RMST: variants seen among roughly 807,000 people sequenced by gnomAD.
RMST encodes the protein long intergenic non-protein coding RNA 54.
At chr12:97,556,819 C>A (rs1015651095) in intron 11 of RMST, among the ~76,000 whole-genome samples, 1 of 152,084 alleles carries the variant, frequency 6.6e-6, no homozygotes, top group African/African-American at 2.4e-5. Flanking sequence ...CAAGTTTGAT[C>A]GTCATAAGAT....
At chr12:97,554,575 G>A (rs1883558957) in intron 11 of RMST, among the ~76,000 whole-genome samples, 1 of 151,942 alleles carries the variant, frequency 6.6e-6, no homozygotes, top group South Asian at 2.1e-4. Context: ...TGAAAATTTT[G>A]AAGATTCACA....
At chr12:97,563,778 G>A (rs572535270) in intron 13 of RMST, 17 of 481,692 alleles carry the variant, frequency 3.5e-5, no homozygotes, top group South Asian at 2.1e-4. Context: ...TGGTTGTGAA[G>A]TCATGTGAAG....
intron 10 of RMST, among the ~76,000 whole-genome samples, chr12:97,509,892 T>A (rs546986254): frequency 6.6e-6 from 1 of 152,344 alleles, no homozygotes; most frequent in African/African-American, 2.4e-5. Flanking sequence ...ACTATTTTTA[T>A]TTCACTGTGT....
At chr12:97,482,394 C>T (rs58459135) in intron 5 of RMST, among the ~76,000 whole-genome samples, 5,199 of 152,148 alleles carry the variant, frequency 0.034, 190 homozygotes, top group East Asian at 0.16. Context: ...CTGGGTTGGG[C>T]CACTGGTAAT....
intron 10 of RMST, among the ~76,000 whole-genome samples, chr12:97,523,125 C>T (rs973167754): frequency 1.3e-5 from 2 of 152,142 alleles, no homozygotes; most frequent in Admixed American, 1.3e-4. Context: ...CATTTAGTTG[C>T]ACAAACGAAG....
intron 10 of RMST, among the ~76,000 whole-genome samples, chr12:97,518,643 C>T (rs1880184910): frequency 6.6e-6 from 1 of 152,128 alleles, no homozygotes; most frequent in Admixed American, 6.5e-5. Flanking sequence ...GACTGAATCA[C>T]ACATTCCCTC....
chr12:97,514,560 T>C (rs1879741252), intron 10 of RMST, among the ~76,000 whole-genome samples: 1 of 152,230 alleles, frequency 6.6e-6, no homozygotes, highest in South Asian at 2.1e-4. Flanking sequence ...TGGCCAATCT[T>C]CTTTAAATTT....
intron 10 of RMST, among the ~76,000 whole-genome samples, chr12:97,498,471 G>A (rs1200970814): frequency 6.6e-6 from 1 of 152,090 alleles, no homozygotes; most frequent in Non-Finnish European, 1.5e-5. Context: ...AGGATAATGA[G>A]TATAAAGCCT....
intron 10 of RMST, among the ~76,000 whole-genome samples, chr12:97,498,267 T>A (rs17027085): frequency 6.6e-6 from 1 of 152,320 alleles, no homozygotes; most frequent in African/African-American, 2.4e-5. Flanking sequence ...TATGTATGAA[T>A]GTGGGTGATA....
chr12:97,553,644 A>G (rs1161850787), intron 11 of RMST, among the ~76,000 whole-genome samples: 2 of 152,164 alleles, frequency 1.3e-5, no homozygotes, highest in African/African-American at 2.4e-5. Context: ...TGTGATCTTC[A>G]ACAGTTGACA....
chr12:97,473,999 C>G (rs1273174859), intron 5 of RMST, among the ~76,000 whole-genome samples: 1 of 152,220 alleles, frequency 6.6e-6, no homozygotes, highest in South Asian at 2.1e-4. Context: ...TTTCTGGCTT[C>G]TCTGCCCAGG....
intron 11 of RMST, among the ~76,000 whole-genome samples, chr12:97,549,358 A>G (rs1477164072): frequency 6.6e-6 from 1 of 152,250 alleles, no homozygotes. Context: ...CAGAGAGCAT[A>G]TGGGCAATCA....
chr12:97,516,672 T>C (rs1250482109), intron 10 of RMST, among the ~76,000 whole-genome samples: 1 of 152,034 alleles, frequency 6.6e-6, no homozygotes, highest in Admixed American at 6.5e-5. Flanking sequence ...GATGAAGTTA[T>C]GTTCTTTCTA....
chr12:97,486,816 T>C (rs1320607578), intron 5 of RMST, among the ~76,000 whole-genome samples: 1 of 152,170 alleles, frequency 6.6e-6, no homozygotes, highest in African/African-American at 2.4e-5. Context: ...GAGAAAATAT[T>C]GAAAGGAATT....
Position 97,524,075 on chromosome 12 carries a change from C to CAGAGGAAAAAAA in RMST, n.1341-6579_1341-6578insGAGGAAAAAAAA, listed in dbSNP as rs57255256. ...TGGGCAACAGAGTGAGACTCTGTCT[C>CAGAGGAAAAAAA]AAAAAAAAAAAAAAAAAAAAAAAAA... On this transcript the variant is annotated intron_variant and non_coding_transcript_variant, in intron 10 of 13. Transcript: ENST00000640149. Among the ~76,000 whole-genome samples, 3 of 56,130 alleles carry CAGAGGAAAAAAA rather than the reference C, an allele frequency of 5.3e-5. No homozygotes were observed. The South Asian group carries it at 2.3e-3, about 43-fold the overall frequency. 36.8% of individuals were successfully genotyped at this position (56,130 alleles called of 152,430 possible).
intron 10 of RMST, among the ~76,000 whole-genome samples, chr12:97,520,333 G>A (rs756518064): frequency 3.9e-5 from 6 of 152,042 alleles, no homozygotes; most frequent in Non-Finnish European, 5.9e-5. Flanking sequence ...TGTTTAATCC[G>A]TATGTTTTAG....
intron 5 of RMST, chr12:97,491,887 C>A: frequency 1.9e-6 from 1 of 523,374 alleles, no homozygotes; most frequent in South Asian, 1.4e-5. Flanking sequence ...AAACTCCACC[C>A]GAGCGTCCAT....
At chr12:97,481,831 T>C (rs1174904443) in intron 5 of RMST, among the ~76,000 whole-genome samples, 1 of 152,194 alleles carries the variant, frequency 6.6e-6, no homozygotes, top group Non-Finnish European at 1.5e-5. Flanking sequence ...ATATTATAAA[T>C]ATTTCCAAGA....
At chr12:97,481,508 T>C (rs1313202257) in intron 5 of RMST, among the ~76,000 whole-genome samples, 1 of 152,224 alleles carries the variant, frequency 6.6e-6, no homozygotes, top group Non-Finnish European at 1.5e-5. Context: ...TTAAAAGCTT[T>C]ATTTATCCAC....
Sources: allele counts gnomAD v4.1 joint callset (sites outside exome capture counted in the v4.1 genomes callset), GRCh38; gene constraint gnomAD v4.1.1; transcripts MANE v1.5; gene names NCBI Gene and HGNC (gene_info 2026-07-23, HGNC 2026-07-21).